The following LRP6 variants were observed in gnomAD, a reference collection of about 807,000 sequenced individuals.
The protein encoded by LRP6 is low-density lipoprotein receptor-related protein 6.
A neutral mutation model predicts 184.1 loss-of-function variants in LRP6; 43 were observed. That is an observed-to-expected ratio of 0.23 (90% confidence interval 0.18 to 0.30). LRP6 has a LOEUF of 0.30. Ranked by LOEUF, LRP6 falls within the 10% of genes least tolerant of loss-of-function variation. The pLI, the probability that LRP6 is intolerant of heterozygous loss-of-function variation, is 1.00. For missense variants in LRP6, 1,571 were observed against 2,005.3 expected, an observed-to-expected ratio of 0.78 and a Z score of 4.14; for synonymous variants, 719 against 684.9, an observed-to-expected ratio of 1.05 and a Z score of -0.78.
intron 4 of LRP6, among the ~76,000 whole-genome samples, chr12:12,186,529 C>T (rs944971507): frequency 7.9e-5 from 12 of 151,438 alleles, no homozygotes; most frequent in East Asian, 3.9e-4. Context: ...CAGGTGCACA[C>T]TACCACACCC....
Position 12,231,180 on chromosome 12 carries a change from C to CAAAAAAAAAAAAAAAAAAAAAAAAAAAA in LRP6, c.449+13054_449+13081dup, listed in dbSNP as rs10661340. ...TGGATGACAGAGCAAGACTCCATCTCAAAAAAAAAAAAAAAAAAAAAAAAA... is the reference window on the plus strand; with the variant it reads ...TGGATGACAGAGCAAGACTCCATCTCAAAAAAAAAAAAAAAAAAAAAAAAAAAAAAAAAAAAAAAAAAAAAAAAAAAAA... On this transcript the variant is annotated intron_variant, in intron 2 of 22. Coordinates refer to ENST00000261349, the MANE Select transcript of LRP6 (RefSeq NM_002336.3). 1.7e-4 allele frequency among the ~76,000 whole-genome samples: 4 copies of CAAAAAAAAAAAAAAAAAAAAAAAAAAAA among 23,558 alleles called. 2 individuals carry two copies. The highest frequency in any genetic ancestry group is 4.5e-4 in the African/African-American group (2 of 4,446). The allele number at this position is 23,558 out of a possible 152,430, so 15.5% of individuals were successfully genotyped here.
chr12:12,263,376 C>A (rs139408863), intron 1 of LRP6, among the ~76,000 whole-genome samples: 6,248 of 151,352 alleles, frequency 0.041, 178 homozygotes, highest in Middle Eastern at 0.16. Flanking sequence ...GAGATGGAGA[C>A]CATCCTGGCT....
At chr12:12,152,114 G>A (rs1190903433) in intron 12 of LRP6, among the ~76,000 whole-genome samples, 1 of 152,072 alleles carries the variant, frequency 6.6e-6, no homozygotes, top group Non-Finnish European at 1.5e-5. Context: ...ATGGGGGCCG[G>A]TCTTCCCCGT....
At chr12:12,261,604 G>C (rs1252314966) in intron 1 of LRP6, among the ~76,000 whole-genome samples, 3 of 152,132 alleles carry the variant, frequency 2.0e-5, no homozygotes, top group Non-Finnish European at 4.4e-5. Context: ...TACTTGACAA[G>C]TTTGGAAAAT....
chr12:12,162,731 C>G (rs1287241034), intron 9 of LRP6, among the ~76,000 whole-genome samples: 1 of 152,100 alleles, frequency 6.6e-6, no homozygotes, highest in Admixed American at 6.5e-5. Context: ...AAAGCTGTGA[C>G]CACAATGCTA....
At chr12:12,122,619 A>T (rs1182852209) in intron 22 of LRP6, among the ~76,000 whole-genome samples, 4 of 152,066 alleles carry the variant, frequency 2.6e-5, no homozygotes, top group African/African-American at 9.7e-5. Context: ...TAAAAAAGAA[A>T]GAAAGAAAGA....
chr12:12,259,353 ATAACT>A (rs1283042379), intron 1 of LRP6, among the ~76,000 whole-genome samples: 1 of 152,156 alleles, frequency 6.6e-6, no homozygotes, highest in Non-Finnish European at 1.5e-5. Context: ...AATAACTTAC[ATAACT>A]TAATGTAGTT....
At chr12:12,130,753 G>C in intron 19 of LRP6, 30 bp downstream of exon 19, 1 of 1,342,348 alleles carries the variant, frequency 7.4e-7, no homozygotes, top group Non-Finnish European at 1.1e-6. Context: ...TCTCTGTTAA[G>C]AGTAATTTAT....
At chr12:12,181,021 T>C (rs1461798385) in intron 6 of LRP6, 22 bp downstream of exon 6, 2 of 1,613,838 alleles carry the variant, frequency 1.2e-6, no homozygotes, top group East Asian at 4.5e-5. Flanking sequence ...ACACAGAATT[T>C]ACTATCAGTA....
At chr12:12,147,120 C>T (rs2136909747) in intron 15 of LRP6, among the ~76,000 whole-genome samples, 1 of 150,028 alleles carries the variant, frequency 6.7e-6, no homozygotes, top group Non-Finnish European at 1.5e-5. Context: ...GACTCCGTCT[C>T]AAAAAAAAAG....
At chr12:12,249,042 T>C in intron 1 of LRP6, 1 of 672,992 alleles carries the variant, frequency 1.5e-6, no homozygotes, top group South Asian at 1.6e-5. Flanking sequence ...TTCCCACTTT[T>C]GGAAGAACTC....
chr12:12,218,938 A>C (rs768165329), intron 2 of LRP6, among the ~76,000 whole-genome samples: 1 of 152,196 alleles, frequency 6.6e-6, no homozygotes, highest in Non-Finnish European at 1.5e-5. Flanking sequence ...TGGTAGAGCA[A>C]GTTTAAAAAA....
At chr12:12,165,874 C>A (rs985460685) in intron 7 of LRP6, among the ~76,000 whole-genome samples, 1 of 152,048 alleles carries the variant, frequency 6.6e-6, no homozygotes, top group African/African-American at 2.4e-5. Context: ...AGATTATAAT[C>A]ACAAAAGTAT....
At chr12:12,204,209 A>C (rs1202579876) in intron 2 of LRP6, among the ~76,000 whole-genome samples, 4 of 151,172 alleles carry the variant, frequency 2.6e-5, no homozygotes, top group Non-Finnish European at 5.9e-5. Flanking sequence ...AATTATGAGG[A>C]AACAGTGTGA....
intron 12 of LRP6, among the ~76,000 whole-genome samples, chr12:12,151,740 G>A (rs1950084272): frequency 1.3e-5 from 2 of 151,834 alleles, no homozygotes; most frequent in African/African-American, 4.8e-5. Flanking sequence ...ATGGGGTCTC[G>A]CCATGTTGCC....
chr12:12,215,721 T>C (rs1003647962), intron 2 of LRP6, among the ~76,000 whole-genome samples: 3 of 151,546 alleles, frequency 2.0e-5, no homozygotes, highest in Non-Finnish European at 2.9e-5. Flanking sequence ...CTTTTAAGAA[T>C]CTATTTGTGG....
intron 2 of LRP6, among the ~76,000 whole-genome samples, chr12:12,228,348 A>G (rs1266581349): frequency 9.2e-5 from 14 of 152,254 alleles, no homozygotes. Context: ...TAGGTGACAC[A>G]GCGAGGCTCC....
intron 2 of LRP6, among the ~76,000 whole-genome samples, chr12:12,234,465 A>G (rs1240315605): frequency 3.9e-5 from 6 of 152,090 alleles, no homozygotes; most frequent in African/African-American, 1.4e-4. Flanking sequence ...AAAAAAGTTA[A>G]GTTTAAAAAG....
At chr12:12,266,209 G>C (rs1312160748) in intron 1 of LRP6, among the ~76,000 whole-genome samples, 1 of 152,194 alleles carries the variant, frequency 6.6e-6, no homozygotes, top group Non-Finnish European at 1.5e-5. Flanking sequence ...GGAAAAAATA[G>C]CAAGAGGGCT....
Sources: gnomAD v4.1 joint callset for allele counts (sites outside exome capture counted in the v4.1 genomes callset) on GRCh38, gnomAD v4.1.1 for gene constraint, MANE v1.5 for transcripts, NCBI Gene and HGNC (gene_info 2026-07-23, HGNC 2026-07-21) for gene names.